Variants in BANP observed in about 807,000 individuals in gnomAD.
BANP encodes the protein protein BANP.
In BANP, 11 loss-of-function variants were observed where a neutral mutation model predicts 68.1. That is an observed-to-expected ratio of 0.16 (90% CI 0.10 to 0.27). BANP has a LOEUF of 0.27. BANP is among the 10% of genes least tolerant of loss of function. The pLI, the probability that BANP is intolerant of heterozygous loss-of-function variation, is 1.00. For synonymous variants in BANP, 329 were observed against 303.2 expected (o/e 1.09, Z -0.88); for missense variants, 504 against 722.7 (o/e 0.70, Z 3.47).
intron 7 of BANP, among the ~76,000 whole-genome samples, chr16:88,019,168 C>T (rs960386407): frequency 2.0e-5 from 3 of 152,130 alleles, no homozygotes; most frequent in Non-Finnish European, 2.9e-5. Flanking sequence ...GCCTGATTTT[C>T]GTGCCCAGCC....
chr16:87,951,152 C>T (rs879792802), upstream of BANP, among the ~76,000 whole-genome samples: 3 of 152,216 alleles, frequency 2.0e-5, no homozygotes, highest in African/African-American at 7.2e-5. Context: ...GTATTCATTC[C>T]GTCTCAAAGA....
At chr16:88,050,924 C>T (rs1598880295) in intron 11 of BANP, among the ~76,000 whole-genome samples, 1 of 152,040 alleles carries the variant, frequency 6.6e-6, no homozygotes, top group South Asian at 2.1e-4. Context: ...TGCGCTCAAG[C>T]GATCCGCCTG....
chr16:88,050,731 G>A (rs184417031), intron 11 of BANP, among the ~76,000 whole-genome samples: 193 of 152,024 alleles, frequency 1.3e-3, no homozygotes, highest in African/African-American at 4.1e-3. Context: ...CTCTGTTGTC[G>A]AGGCTGGAGT....
intron 1 of BANP, among the ~76,000 whole-genome samples, chr16:87,960,821 C>T (rs530568711): frequency 3.3e-5 from 5 of 152,336 alleles, no homozygotes; most frequent in Admixed American, 1.3e-4. Context: ...ACTGACATCT[C>T]TTACTAAATG....
At chr16:87,994,451 C>T (rs909413311) in intron 4 of BANP, among the ~76,000 whole-genome samples, 1 of 152,232 alleles carries the variant, frequency 6.6e-6, no homozygotes, top group African/African-American at 2.4e-5. Context: ...CTAGAAGCTT[C>T]TTTCTTTGTT....
chr16:88,069,404 C>T (rs35216338), intron 12 of BANP, among the ~76,000 whole-genome samples: 4,421 of 152,358 alleles, frequency 0.029, 102 homozygotes, highest in Non-Finnish European at 0.045. Context: ...GCTGTATCTT[C>T]TAAGGACTTT....
chr16:88,063,759 G>A (rs897370235), intron 11 of BANP, among the ~76,000 whole-genome samples: 2 of 152,182 alleles, frequency 1.3e-5, no homozygotes, highest in Non-Finnish European at 2.9e-5. Context: ...CATTGCCAGT[G>A]ACAAGACTTC....
At chr16:87,981,929 T>G (rs1207163582) in intron 3 of BANP, among the ~76,000 whole-genome samples, 2 of 152,262 alleles carry the variant, frequency 1.3e-5, no homozygotes, top group East Asian at 3.8e-4. Flanking sequence ...TATCGGCACA[T>G]GTGAGAAGGT....
chr16:87,952,866 C>T (rs2144380439), intron 1 of BANP: 1 of 152,284 alleles, frequency 6.6e-6, no homozygotes, highest in East Asian at 1.9e-4. Flanking sequence ...CCTCGGCCTC[C>T]CTGGCTCAAG....
At chr16:88,009,296 GTCTT>G (rs2072293467) in intron 6 of BANP, among the ~76,000 whole-genome samples, 4 of 152,074 alleles carry the variant, frequency 2.6e-5, no homozygotes, top group South Asian at 4.1e-4. Context: ...GGGTGTGCTT[GTCTT>G]TCTATTTAGT....
At chr16:88,068,007 C>A (rs995280541) in intron 12 of BANP, among the ~76,000 whole-genome samples, 5 of 152,216 alleles carry the variant, frequency 3.3e-5, no homozygotes, top group Non-Finnish European at 7.3e-5. Flanking sequence ...GTCGTCAGTC[C>A]GTGACACGCC....
In BANP at chr16:87,981,020, C is replaced by G. The variant is rs778883135; in HGVS notation, c.71-16C>G. 5 of 1,584,024 alleles carry G rather than the reference C, an allele frequency of 3.2e-6. No homozygotes were observed. The African/African-American group carries it at 6.7e-5, about 21-fold the overall frequency. On this transcript the variant is annotated splice_polypyrimidine_tract_variant and intron_variant, in intron 2 of 13. Coordinates refer to ENST00000682872, the MANE Select transcript of BANP (RefSeq NM_001386991.1). ...TTTTCATGTTAAACATTTTTTTTCT[C>G]TGTCACTGATTTCAGTTGTTTTGGA...
intron 1 of BANP, among the ~76,000 whole-genome samples, chr16:87,966,548 A>G (rs748816979): frequency 3.3e-5 from 5 of 152,224 alleles, no homozygotes; most frequent in Admixed American, 6.5e-5. Flanking sequence ...TCCTGGCAAC[A>G]GAGGCATTTT....
chr16:88,010,272 G>A (rs780128326), intron 6 of BANP, among the ~76,000 whole-genome samples: 2 of 152,200 alleles, frequency 1.3e-5, no homozygotes, highest in African/African-American at 2.4e-5. Context: ...TTAAATTTCT[G>A]CTGTGTATGC....
At chr16:88,007,166 C>T (rs577504641) in intron 6 of BANP, among the ~76,000 whole-genome samples, 2 of 152,250 alleles carry the variant, frequency 1.3e-5, no homozygotes, top group East Asian at 1.9e-4. Flanking sequence ...TTGCTTATTT[C>T]ATCAGGTCTG....
intron 1 of BANP, among the ~76,000 whole-genome samples, chr16:87,967,971 C>G (rs900360696): frequency 7.5e-5 from 11 of 146,812 alleles, no homozygotes; most frequent in African/African-American, 2.2e-4. Context: ...TCAGGCTGGT[C>G]TCGAACTCCC....
chr16:88,038,315 A>G (rs1238828991), intron 11 of BANP, among the ~76,000 whole-genome samples: 2 of 152,128 alleles, frequency 1.3e-5, no homozygotes, highest in African/African-American at 2.4e-5. Flanking sequence ...CGAGGGTGCA[A>G]AGGCCTCTCA....
rs996748875 is a variant in BANP, at chr16:87,984,556, C to T, written c.362+297C>T. 5.9e-5 allele frequency among the ~76,000 whole-genome samples: 9 copies of T among 152,258 alleles called. 1 individual carries two copies. Among genetic ancestry groups the T allele is most frequent in the Admixed American group, 4.6e-4 (7 of 15,294 alleles). ...TTAGAAAATGTACATGTGCTTCTTT[C>T]CTTTTTCCTACTCTACCTGGCTAGT... On this transcript the variant is annotated intron_variant, in intron 4 of 13. Transcript: ENST00000682872.
At chr16:87,961,228 G>C (rs991216456) in intron 1 of BANP, among the ~76,000 whole-genome samples, 1 of 152,236 alleles carries the variant, frequency 6.6e-6, no homozygotes, top group Non-Finnish European at 1.5e-5. Flanking sequence ...TTGCGTGTTG[G>C]TGTGGTGTCA....
Sources: allele counts gnomAD v4.1 joint callset (sites outside exome capture counted in the v4.1 genomes callset), GRCh38; gene constraint gnomAD v4.1.1; transcripts MANE v1.5; gene names NCBI Gene and HGNC (gene_info 2026-07-23, HGNC 2026-07-21).